Variants in AMOTL1 observed in about 807,000 individuals in gnomAD.
AMOTL1 encodes angiomotin-like protein 1.
AMOTL1 carries 45 observed loss-of-function variants against 102.9 expected under a neutral mutation model. The observed-to-expected ratio is 0.44, with a 90% CI of 0.34 to 0.56. The LOEUF is 0.56. AMOTL1 is among the 20% of genes least tolerant of loss of function. The pLI is 0.01. For synonymous variants in AMOTL1, 481 were observed against 484.7 expected (o/e 0.99, Z 0.10); for missense variants, 1,114 against 1,225.6 (o/e 0.91, Z 1.36).
In AMOTL1 at chr11:94,864,803, G is replaced by A. The variant is rs1392660747; in HGVS notation, c.2204G>A (p.Trp735Ter). Reference sequence around the variant, plus strand: ...GAGAGCTCGCTGGAGGCCCACATCTGGCAAGAGGAGGAGGAGGTGGTGCAG... The same window carrying A: ...GAGAGCTCGCTGGAGGCCCACATCTAGCAAGAGGAGGAGGAGGTGGTGCAG... ...YGESSLEAHI[W>*]QEEEEVVQAN... The change falls in exon 10 of 13, where the codon TGG (tryptophan) becomes TAG (stop). Residue 735 changes from tryptophan to a stop codon, truncating the protein, a stop_gained. Transcript: ENST00000433060. LOFTEE classifies it high-confidence loss of function. 6.8e-6 allele frequency: 11 copies of A among 1,613,804 alleles called. No homozygotes were observed. In the Admixed American group the frequency reaches 1.8e-4, roughly 27 times the overall value.
chr11:94,846,123 T>A (rs1166360096), intron 6 of AMOTL1, among the ~76,000 whole-genome samples: 1 of 152,190 alleles, frequency 6.6e-6, no homozygotes, highest in Non-Finnish European at 1.5e-5. Context: ...TTGGGGAGCA[T>A]AGCTAGCCCA....
rs773382894 is a variant in AMOTL1 at position 94,831,495 on chromosome 11, C to T, written c.1602C>T (p.Tyr534=). 39 of 1,613,678 alleles carry T rather than the reference C, an allele frequency of 2.4e-5. No individual in the cohort carries two copies. The highest frequency in any genetic ancestry group is 5.5e-5 in the South Asian group (5 of 91,068). ...TANRQLSSRE[Y]EGHEDKAAEG... is the part of the protein sequence containing the mutation. ...ACAGGCAACTATCCAGCAGGGAATACGAAGGGCATGAAGACAAAGCTGCAG... is the reference window on the plus strand; with the variant it reads ...ACAGGCAACTATCCAGCAGGGAATATGAAGGGCATGAAGACAAAGCTGCAG... Residue 534 remains tyrosine (Y), a synonymous_variant, in exon 6 of 13, where the codon TAC becomes TAT. Coordinates refer to ENST00000433060, the MANE Select transcript of AMOTL1 (RefSeq NM_130847.3).
chr11:94,868,106 T>C (rs1436057451), intron 11 of AMOTL1, among the ~76,000 whole-genome samples: 1 of 152,248 alleles, frequency 6.6e-6, no homozygotes, highest in Non-Finnish European at 1.5e-5. Context: ...TCCCAGGCCC[T>C]GCCTGCTGGA....
intron 6 of AMOTL1, among the ~76,000 whole-genome samples, chr11:94,836,678 G>A (rs1479734635): frequency 2.0e-4 from 30 of 151,846 alleles, no homozygotes; most frequent in Non-Finnish European, 4.4e-5. Flanking sequence ...AGATATTAGG[G>A]TAAAATTATT....
At chr11:94,745,237 A>C in intron 3 of AMOTL1, among the ~76,000 whole-genome samples, 1 of 138,632 alleles carries the variant, frequency 7.2e-6, no homozygotes, top group African/African-American at 2.7e-5. Context: ...ACATAATGCT[A>C]TCCCTCCCCC....
At position 94,749,098 on chromosome 11, in the gene AMOTL1, C is replaced by T. The variant is rs569700655; in HGVS notation, c.136+8110C>T. Among the ~76,000 whole-genome samples, 7 of 152,260 alleles carry T rather than the reference C, an allele frequency of 4.6e-5. 1 individual carries two copies. Among genetic ancestry groups the T allele is most frequent in the Middle Eastern group, 6.8e-3 (2 of 292 alleles). On this transcript the variant is annotated intron_variant, in intron 3 of 4. Coordinates refer to the AMOTL1 transcript ENST00000299004. ...TGTGATTATGGAGGGTGAGAAGTCC[C>T]GTGACAGGCTGTCTGCAAGCTGGGG...
chr11:94,836,757 C>A (rs560469175), intron 6 of AMOTL1, among the ~76,000 whole-genome samples: 1 of 142,224 alleles, frequency 7.0e-6, no homozygotes. Flanking sequence ...TTCTTCCTTC[C>A]TTCTTTTTTT....
chr11:94,720,380 G>C (rs1950157468), intron 1 of AMOTL1, among the ~76,000 whole-genome samples: 1 of 152,124 alleles, frequency 6.6e-6, no homozygotes, highest in Non-Finnish European at 1.5e-5. Context: ...CCAGACTGTG[G>C]CTGGTACCGG....
intron 3 of AMOTL1, among the ~76,000 whole-genome samples, chr11:94,816,528 A>G (rs565762775): frequency 1.1e-4 from 16 of 152,300 alleles, no homozygotes; most frequent in African/African-American, 3.6e-4. Flanking sequence ...TAACTGGCCT[A>G]ACAAACACAT....
chr11:94,746,956 A>G (rs1334918981), intron 3 of AMOTL1, among the ~76,000 whole-genome samples: 1 of 151,848 alleles, frequency 6.6e-6, no homozygotes, highest in Non-Finnish European at 1.5e-5. Context: ...CCCGTGAGAC[A>G]CTTTATCTTT....
intron 3 of AMOTL1, among the ~76,000 whole-genome samples, chr11:94,747,958 G>A (rs998145638): frequency 1.3e-5 from 2 of 152,148 alleles, no homozygotes; most frequent in Non-Finnish European, 2.9e-5. Context: ...AATGGGGTGG[G>A]GTGGAAAAAT....
intron 10 of AMOTL1, 92 bp downstream of exon 10, chr11:94,864,952 G>A: frequency 6.9e-7 from 1 of 1,448,262 alleles, no homozygotes; most frequent in South Asian, 1.7e-5. Flanking sequence ...GTTCTGAAAG[G>A]CTGTGAGCAT....
chr11:94,811,496 C>T (rs1191636579), intron 3 of AMOTL1, among the ~76,000 whole-genome samples: 1 of 150,628 alleles, frequency 6.6e-6, no homozygotes, highest in Non-Finnish European at 1.5e-5. Context: ...ACTCTGCCTC[C>T]GAGAAAAAAA....
At chr11:94,758,759 G>A (rs1230680514) in intron 3 of AMOTL1, among the ~76,000 whole-genome samples, 1 of 152,130 alleles carries the variant, frequency 6.6e-6, no homozygotes. Flanking sequence ...AAATTTTTGG[G>A]ATATAATTTG....
rs1268058855 is a variant in AMOTL1, at chr11:94,727,372, A to T, written c.-50-1549A>T. Among the ~76,000 whole-genome samples the T allele has an allele frequency of 2.0e-5, 3 of 152,266 alleles. No homozygotes were observed. The East Asian group carries it at 5.8e-4, about 29-fold the overall frequency. ...GATGATACCAGTGTGATTATGGCCC[A>T]ATATTGGATTTCTACTCCAGACATG... On this transcript the variant is annotated intron_variant, in intron 1 of 4. Transcript: ENST00000299004.
chr11:94,733,419 A>T (rs1338502082), intron 2 of AMOTL1, among the ~76,000 whole-genome samples: 1 of 152,236 alleles, frequency 6.6e-6, no homozygotes, highest in Admixed American at 6.5e-5. Flanking sequence ...AGATTAGGAC[A>T]CTTATTAAAG....
chr11:94,731,023 A>G (rs1395714631), intron 2 of AMOTL1, among the ~76,000 whole-genome samples: 3 of 152,216 alleles, frequency 2.0e-5, no homozygotes, highest in South Asian at 4.1e-4. Context: ...TACTGTGACC[A>G]TCTCCAAGCT....
intron 1 of AMOTL1, among the ~76,000 whole-genome samples, chr11:94,791,951 G>A (rs1178045726): frequency 8.5e-5 from 13 of 152,152 alleles, no homozygotes; most frequent in South Asian, 2.1e-4. Flanking sequence ...ATGGAACTGC[G>A]ACCTCTGTTA....
chr11:94,840,673 TATATATATACACAC>T (rs1565376306), intron 6 of AMOTL1, among the ~76,000 whole-genome samples: 1 of 128,362 alleles, frequency 7.8e-6, no homozygotes, highest in African/African-American at 3.0e-5. Context: ...TATATATATA[TATATATATACACAC>T]ACACACACAC....
Sources: allele counts gnomAD v4.1 joint callset (sites outside exome capture counted in the v4.1 genomes callset), GRCh38; gene constraint gnomAD v4.1.1; transcripts MANE v1.5; gene names NCBI Gene and HGNC (gene_info 2026-07-23, HGNC 2026-07-21).